Variants in MAP3K20 observed in about 807,000 individuals in gnomAD.
MAP3K20 encodes HCCS-4.
Under a neutral mutation model 85.7 loss-of-function variants are expected in MAP3K20, and 40 were observed. The observed-to-expected ratio is 0.47, with a 90% CI of 0.36 to 0.61. The LOEUF is 0.61. MAP3K20 is among the 20% of genes least tolerant of loss of function. The pLI is 0.00. For synonymous variants in MAP3K20, 325 were observed against 327.7 expected, an observed-to-expected ratio of 0.99 and a Z score of 0.09; for missense variants, 817 against 961.7, an observed-to-expected ratio of 0.85 and a Z score of 1.99.
chr2:173,141,616 GGAGA>G (rs1188451947), intron 2 of MAP3K20, among the ~76,000 whole-genome samples: 4 of 151,768 alleles, frequency 2.6e-5, no homozygotes, highest in Admixed American at 2.6e-4. Context: ...CAGAAAGAAA[GGAGA>G]GAGAGAGAGG....
chr2:173,182,161 G>A (rs955268921), intron 3 of MAP3K20, among the ~76,000 whole-genome samples: 2 of 152,126 alleles, frequency 1.3e-5, no homozygotes, highest in African/African-American at 4.8e-5. Context: ...CTGTTTATAT[G>A]AACTATCCAG....
intron 11 of MAP3K20, among the ~76,000 whole-genome samples, chr2:173,218,373 G>C (rs1281461511): frequency 2.6e-5 from 4 of 152,202 alleles, no homozygotes; most frequent in Admixed American, 6.5e-5. Context: ...AAGGACTTTG[G>C]TTCTCCAGGG....
Position 173,261,061 on chromosome 2 carries a change from A to C in MAP3K20, c.1477-2A>C. On this transcript the variant is annotated splice_acceptor_variant, in intron 17 of 19. Transcript: ENST00000375213. LOFTEE classifies it high-confidence loss of function. ...TACACCATCCTAACTTTTGTTTTTC[A>C]GCCACCATTTGTAATGGAGAAGTGG... is the stretch of plus-strand genomic sequence containing the variant. The C allele has an allele frequency of 6.2e-7, 1 of 1,613,178 alleles. No homozygotes were observed. Among genetic ancestry groups the C allele is most frequent in the Non-Finnish European group, 8.5e-7 (1 of 1,179,312 alleles).
chr2:173,261,998 G>C (rs62174398), intron 18 of MAP3K20, among the ~76,000 whole-genome samples: 18,423 of 150,312 alleles, frequency 0.12, 1,200 homozygotes, highest in Middle Eastern at 0.17. Flanking sequence ...GCCTGGGTGA[G>C]ACAGTGAGAC....
At position 173,260,542 on chromosome 2, in the gene MAP3K20, C is replaced by T. The variant is rs957128549; in HGVS notation, c.1477-521C>T. ...ATAGGATCAAAGCTACAGGCTTCCT[C>T]ACTAATCCTTTGTTTTAATATAGTG... On this transcript the variant is annotated intron_variant, in intron 17 of 19. Transcript: ENST00000375213. Among the ~76,000 whole-genome samples, 7 of 151,424 alleles carry T rather than the reference C, an allele frequency of 4.6e-5. No individual in the cohort carries two copies. The South Asian group carries it at 1.5e-3, about 32-fold the overall frequency.
At chr2:173,097,455 C>T (rs954476386) in intron 2 of MAP3K20, among the ~76,000 whole-genome samples, 2 of 152,116 alleles carry the variant, frequency 1.3e-5, no homozygotes, top group Non-Finnish European at 2.9e-5. Flanking sequence ...TATGTCTGTA[C>T]ATAGTATTTT....
At chr2:173,193,956 C>T (rs1156271925) in intron 7 of MAP3K20, among the ~76,000 whole-genome samples, 1 of 152,208 alleles carries the variant, frequency 6.6e-6, no homozygotes, top group Non-Finnish European at 1.5e-5. Flanking sequence ...TGAGCATTTC[C>T]AGTGTTGCTC....
chr2:173,090,583 G>T, intron 1 of MAP3K20: 1 of 984,364 alleles, frequency 1.0e-6, no homozygotes, highest in Non-Finnish European at 1.2e-6. Flanking sequence ...TGAGTGCAGC[G>T]TGGAGAGGTG....
chr2:173,115,152 T>A (rs1688082442), intron 2 of MAP3K20, among the ~76,000 whole-genome samples: 1 of 152,208 alleles, frequency 6.6e-6, no homozygotes, highest in Admixed American at 6.5e-5. Context: ...TTGGAAGACC[T>A]TGTCTTCGAG....
chr2:173,100,187 C>G (rs2106159368), intron 2 of MAP3K20, among the ~76,000 whole-genome samples: 1 of 152,352 alleles, frequency 6.6e-6, no homozygotes, highest in African/African-American at 2.4e-5. Flanking sequence ...GAGAGCAGGA[C>G]TGTCTTTGTA....
chr2:173,238,009 G>A (rs1684693872), intron 14 of MAP3K20, among the ~76,000 whole-genome samples: 1 of 152,106 alleles, frequency 6.6e-6, no homozygotes, highest in Non-Finnish European at 1.5e-5. Context: ...TAAATTAGCT[G>A]GGTGTGGTGG....
chr2:173,182,832 C>T, intron 3 of MAP3K20, 22 bp from the exon 4 acceptor site: 2 of 1,491,208 alleles, frequency 1.3e-6, no homozygotes, highest in African/African-American at 1.4e-5. Context: ...TAATTATATG[C>T]TTATCTTTCC....
At chr2:173,101,690 G>A (rs191301663) in intron 2 of MAP3K20, among the ~76,000 whole-genome samples, 9 of 152,272 alleles carry the variant, frequency 5.9e-5, no homozygotes, top group South Asian at 2.1e-4. Flanking sequence ...AAAGCAGCCC[G>A]TAAGTATTTC....
At chr2:173,243,727 C>T (rs1039130807) in intron 16 of MAP3K20, among the ~76,000 whole-genome samples, 5 of 152,200 alleles carry the variant, frequency 3.3e-5, no homozygotes, top group African/African-American at 1.2e-4. Flanking sequence ...ACGCCATTTT[C>T]CTGCCTCAGC....
At position 173,209,795 on chromosome 2, in the gene MAP3K20, G is replaced by T; in HGVS notation, c.811G>T (p.Asp271Tyr). The change falls in exon 10 of 20, where the codon GAC becomes TAC. Residue 271 changes from aspartate to tyrosine, a missense_variant. Around this residue, in one of 4 missense-constraint regions of MAP3K20, gnomAD observed 158 missense variants for 162.0 expected, o/e 0.98. Transcript: ENST00000375213. ...ESMSNDTSLP[D>Y]KCNSFLHNKA... ...CATGTCAAATGACACGAGCCTTCCT[G>T]ACAAGTGTAACTCATTCCTACACAA... 1 of 1,614,090 alleles carries T rather than the reference G, an allele frequency of 6.2e-7. No homozygotes were observed. Among genetic ancestry groups the T allele is most frequent in the Non-Finnish European group, 8.5e-7 (1 of 1,179,996 alleles).
intron 1 of MAP3K20, among the ~76,000 whole-genome samples, chr2:173,085,944 C>T (rs1559224686): frequency 6.6e-6 from 1 of 151,620 alleles, no homozygotes; most frequent in Non-Finnish European, 1.5e-5. Flanking sequence ...TACAGATGCA[C>T]GCCACCATGC....
At chr2:173,093,753 A>G (rs966837475) in intron 2 of MAP3K20, among the ~76,000 whole-genome samples, 9 of 152,142 alleles carry the variant, frequency 5.9e-5, no homozygotes, top group South Asian at 2.1e-4. Flanking sequence ...ATGTCCAACA[A>G]TGATAGACTG....
intron 3 of MAP3K20, among the ~76,000 whole-genome samples, chr2:173,177,799 G>T (rs1250608909): frequency 6.6e-6 from 1 of 152,046 alleles, no homozygotes. Context: ...CAAAATTATA[G>T]AATATTAAAA....
At chr2:173,144,462 C>CAAAA (rs71018537) in intron 2 of MAP3K20, among the ~76,000 whole-genome samples, 438 of 92,516 alleles carry the variant, frequency 4.7e-3, no homozygotes, top group Non-Finnish European at 5.5e-3. Flanking sequence ...GACTCCGTCT[C>CAAAA]AAAAAAAAAA....
Sources: allele counts gnomAD v4.1 joint callset (sites outside exome capture counted in the v4.1 genomes callset), GRCh38; gene constraint gnomAD v4.1.1; regional missense constraint gnomAD v4.1.1; transcripts MANE v1.5; gene names NCBI Gene and HGNC (gene_info 2026-07-23, HGNC 2026-07-21).